The following GALNT13 variants were observed in gnomAD, a reference collection of about 807,000 sequenced individuals.
GALNT13 encodes the protein polypeptide N-acetylgalactosaminyltransferase 13, also known as UDP-GalNAc:polypeptide N-acetylgalactosaminyltransferase 13.
A neutral mutation model predicts 64.2 loss-of-function variants in GALNT13; 28 were observed. The ratio of observed to expected loss-of-function variants is 0.44; its 90% CI spans 0.32 to 0.60. GALNT13 has a LOEUF of 0.60. GALNT13 is among the 20% of genes least tolerant of loss of function. The pLI is 0.05. For missense variants in GALNT13, 577 were observed against 669.8 expected (o/e 0.86, Z 1.53); for synonymous variants, 214 against 224.6 (o/e 0.95, Z 0.42).
At chr2:153,460,378 C>T in the GALNT13 span, among the ~76,000 whole-genome samples, 1 of 151,974 alleles carries the variant, frequency 6.6e-6, no homozygotes, top group African/African-American at 2.4e-5. Context: ...GTATAGAGAC[C>T]TCATTCACTC....
intron 9 of GALNT13, among the ~76,000 whole-genome samples, chr2:154,344,176 CAA>C (rs1389323728): frequency 6.6e-6 from 1 of 151,954 alleles, no homozygotes; most frequent in Non-Finnish European, 1.5e-5. Flanking sequence ...TTTTAAAACA[CAA>C]AAGACTGTTT....
At chr2:154,088,679 C>G (rs527297329) in intron 3 of GALNT13, among the ~76,000 whole-genome samples, 1 of 152,296 alleles carries the variant, frequency 6.6e-6, no homozygotes, top group African/African-American at 2.4e-5. Context: ...TCTCGAACTC[C>G]TGACGTCAGG....
Position 154,242,206 on chromosome 2 carries a change from GGTTTTT to G in GALNT13, c.478+11_478+16del. The G allele has an allele frequency of 6.3e-7, 1 of 1,599,486 alleles. No individual in the cohort carries two copies. The highest frequency in any genetic ancestry group is 8.5e-7 in the Non-Finnish European group (1 of 1,174,966). On this transcript the variant is annotated intron_variant, in intron 5 of 12. Transcript: ENST00000392825. ...GATGCCAGTGAAAGAGGTACAAACT[GGTTTTT>G]TGTTTTTGTTTTTGTTTTTTTGTTT...
chr2:154,309,561 CA>C lies in GALNT13; in HGVS notation c.1156+7973del, dbSNP rs1486515842. ...AATGGGTATGTGCAAGGAGACCAAA[CA>C]TGAGAAGAAACAACTCACTTTTGAA... On this transcript the variant is annotated intron_variant, in intron 9 of 12. Coordinates refer to ENST00000392825, the MANE Select transcript of GALNT13 (RefSeq NM_052917.4). Among the ~76,000 whole-genome samples, 14 of 152,274 alleles carry C rather than the reference CA, an allele frequency of 9.2e-5. No individual in the cohort carries two copies. In the East Asian group the frequency reaches 2.7e-3, roughly 29 times the overall value.
At chr2:154,361,041 G>A (rs1281027727) in intron 9 of GALNT13, among the ~76,000 whole-genome samples, 4 of 152,082 alleles carry the variant, frequency 2.6e-5, no homozygotes, top group African/African-American at 9.7e-5. Flanking sequence ...TTGGAGCATG[G>A]AGTGAGTGGT....
the GALNT13 span, among the ~76,000 whole-genome samples, chr2:153,497,522 A>ATTTTT: frequency 0.026 from 944 of 36,824 alleles, 302 homozygotes; most frequent in Middle Eastern, 0.071. Flanking sequence ...TTTCTCCCGC[A>ATTTTT]TTTTTTTTTT....
intron 3 of GALNT13, among the ~76,000 whole-genome samples, chr2:154,107,062 C>T (rs1702658566): frequency 6.6e-6 from 1 of 151,956 alleles, no homozygotes; most frequent in Non-Finnish European, 1.5e-5. Context: ...TGATTCTTCT[C>T]TTACCATGTG....
At chr2:153,699,000 G>A in the GALNT13 span, among the ~76,000 whole-genome samples, 12 of 152,164 alleles carry the variant, frequency 7.9e-5, no homozygotes, top group East Asian at 5.8e-4. Context: ...CAAGGCAGGC[G>A]GATCACGAGG....
At chr2:153,704,542 ATCTT>A in the GALNT13 span, among the ~76,000 whole-genome samples, 1 of 152,170 alleles carries the variant, frequency 6.6e-6, no homozygotes, top group African/African-American at 2.4e-5. Flanking sequence ...AAGAGTGAAA[ATCTT>A]TCTTCTTAAA....
At chr2:153,480,881 A>G in the GALNT13 span, among the ~76,000 whole-genome samples, 1 of 152,208 alleles carries the variant, frequency 6.6e-6, no homozygotes, top group African/African-American at 2.4e-5. Context: ...TTTATAGTAC[A>G]TTTGTAAGAT....
At chr2:153,821,196 A>T in the GALNT13 span, among the ~76,000 whole-genome samples, 1 of 152,142 alleles carries the variant, frequency 6.6e-6, no homozygotes, top group Non-Finnish European at 1.5e-5. Flanking sequence ...AAGGCAAAAA[A>T]CTAACAAGAA....
intron 4 of GALNT13, among the ~76,000 whole-genome samples, chr2:154,148,653 G>T (rs980259117): frequency 6.6e-6 from 1 of 152,118 alleles, no homozygotes; most frequent in African/African-American, 2.4e-5. Flanking sequence ...TTGTGGTTTT[G>T]ATTTGCATTT....
the GALNT13 span, among the ~76,000 whole-genome samples, chr2:153,262,330 T>G: frequency 1.3e-5 from 2 of 152,172 alleles, no homozygotes; most frequent in Non-Finnish European, 2.9e-5. Context: ...ATATAGCAGG[T>G]TTCCTTCTGA....
chr2:154,419,140 T>G (rs1041425652), intron 11 of GALNT13, among the ~76,000 whole-genome samples: 3 of 152,090 alleles, frequency 2.0e-5, no homozygotes, highest in Non-Finnish European at 4.4e-5. Context: ...TATCCAATAA[T>G]TGAGCAAAAA....
intron 3 of GALNT13, among the ~76,000 whole-genome samples, chr2:154,045,873 A>G (rs1314417589): frequency 6.6e-6 from 1 of 152,032 alleles, no homozygotes; most frequent in Non-Finnish European, 1.5e-5. Context: ...GATTCACCAC[A>G]TTTTTACTGT....
At chr2:154,092,316 T>C (rs1701854772) in intron 3 of GALNT13, among the ~76,000 whole-genome samples, 1 of 152,004 alleles carries the variant, frequency 6.6e-6, no homozygotes, top group Admixed American at 6.6e-5. Context: ...ATAAGAACTA[T>C]TTAAAATCAT....
the GALNT13 span, among the ~76,000 whole-genome samples, chr2:153,239,704 A>C: frequency 7.9e-5 from 12 of 152,154 alleles, no homozygotes; most frequent in East Asian, 1.7e-3. Flanking sequence ...TAATCTTTTT[A>C]ATGTATTGTT....
intron 3 of GALNT13, among the ~76,000 whole-genome samples, chr2:154,025,582 GT>G (rs1697896812): frequency 1.3e-5 from 2 of 152,180 alleles, no homozygotes; most frequent in East Asian, 3.9e-4. Flanking sequence ...ATTAACCGTT[GT>G]TCTATTTATA....
the GALNT13 span, among the ~76,000 whole-genome samples, chr2:153,508,314 G>C: frequency 6.6e-6 from 1 of 152,190 alleles, no homozygotes. Flanking sequence ...AGGGCAGATA[G>C]AAAAAGATCA....
Sources: gnomAD v4.1 joint callset for allele counts (sites outside exome capture counted in the v4.1 genomes callset) on GRCh38, gnomAD v4.1.1 for gene constraint, MANE v1.5 for transcripts, NCBI Gene and HGNC (gene_info 2026-07-23, HGNC 2026-07-21) for gene names.